The following CPLANE1 variants were observed in gnomAD, a reference collection of about 807,000 sequenced individuals.
CPLANE1 encodes ciliogenesis and planar polarity effector 1.
A neutral mutation model predicts 362.5 loss-of-function variants in CPLANE1; 263 were observed. The ratio of observed to expected loss-of-function variants is 0.73; its 90% confidence interval spans 0.66 to 0.80. CPLANE1 has a LOEUF of 0.80. Among genes scored for constraint, CPLANE1 ranks in the 30% least tolerant of loss-of-function variants. The pLI is 0.00. For missense variants in CPLANE1, 3,461 were observed against 3,793.4 expected (o/e 0.91, Z 2.30); for synonymous variants, 1,212 against 1,302.6 (o/e 0.93, Z 1.50).
intron 15 of CPLANE1, among the ~76,000 whole-genome samples, chr5:37,217,281 G>A (rs897903073): frequency 6.6e-6 from 1 of 152,190 alleles, no homozygotes; most frequent in Non-Finnish European, 1.5e-5. Context: ...GAATAAAGCT[G>A]TATCAATTTA....
rs377503881 is a variant in CPLANE1 at position 37,201,670 on chromosome 5, C to T, written c.3428G>A (p.Arg1143Lys). Reference sequence around the variant, plus strand: ...GCCGAATGGCACTAAGCCCCACAGTCTTTTACTGAAGTCCTTGGCAGAGTC... The same window carrying T: ...GCCGAATGGCACTAAGCCCCACAGTTTTTTACTGAAGTCCTTGGCAGAGTC... ...LIDSAKDFSK[R>K]LWGLVPFGLY... Residue 1143 changes from arginine (R) to lysine (K), a missense_variant, in exon 19 of 53, where the codon AGA becomes AAA. Transcript: ENST00000651892. 282 of 1,614,172 alleles carry T rather than the reference C, an allele frequency of 1.7e-4. 1 individual carries two copies. Among genetic ancestry groups the T allele is most frequent in the Middle Eastern group, 1.2e-3 (7 of 6,062 alleles).
Position 37,185,063 on chromosome 5 carries a change from T to G in CPLANE1, c.4206A>C (p.Glu1402Asp), listed in dbSNP as rs1783619890. The G allele has an allele frequency of 6.2e-7, 1 of 1,612,050 alleles. No individual in the cohort carries two copies. The highest frequency in any genetic ancestry group is 2.2e-5 in the East Asian group (1 of 44,882). Reference sequence around the variant, plus strand: ...TAGAATGCATGACAACAGACATCATTTCCTCAGTCTGGGGTCCTGGAAAGA... The same window carrying G: ...TAGAATGCATGACAACAGACATCATGTCCTCAGTCTGGGGTCCTGGAAAGA... ...HCVVKGPQTE[E>D]MMSVVMHSIQ... The change falls in exon 25 of 53, where the codon GAA becomes GAC. Residue 1402 changes from glutamate to aspartate, a missense_variant. Physicochemically the swap from Glu to Asp is conservative, Grantham distance 45 (BLOSUM62 2). Around this residue, in one of 2 missense-constraint regions of CPLANE1, gnomAD observed 3,380 missense variants for 3,666.1 expected, o/e 0.92. Coordinates refer to ENST00000651892, the MANE Select transcript of CPLANE1 (RefSeq NM_001384732.1).
chr5:37,106,088 C>A (rs1757587147), downstream of CPLANE1: 1 of 152,088 alleles, frequency 6.6e-6, no homozygotes, highest in Non-Finnish European at 1.5e-5. Flanking sequence ...TGCTCATACA[C>A]CCTTGGTGGG....
intron 4 of CPLANE1, 137 bp from the exon 5 acceptor site, chr5:37,244,744 C>CA: frequency 3.2e-6 from 2 of 627,146 alleles, no homozygotes; most frequent in Non-Finnish European, 5.5e-6. Context: ...AAGGCACTAG[C>CA]AAAAAATACA....
intron 50 of CPLANE1, among the ~76,000 whole-genome samples, chr5:37,118,445 G>T (rs1406189140): frequency 2.0e-5 from 3 of 151,672 alleles, no homozygotes; most frequent in Non-Finnish European, 2.9e-5. Context: ...ACCACGAAGG[G>T]TTTCATCTAA....
intron 51 of CPLANE1, among the ~76,000 whole-genome samples, chr5:37,113,765 T>C: frequency 6.6e-6 from 1 of 152,198 alleles, no homozygotes; most frequent in Non-Finnish European, 1.5e-5. Context: ...GGCTAATTAC[T>C]TCATATTTCT....
In CPLANE1 at chr5:37,214,293, C is replaced by G. The variant is rs558774334; in HGVS notation, c.2747-561G>C. Among the ~76,000 whole-genome samples the G allele has an allele frequency of 7.9e-5, 12 of 152,080 alleles. No homozygotes were observed. In the East Asian group the frequency reaches 2.3e-3, roughly 29 times the overall value. On this transcript the variant is annotated intron_variant, in intron 15 of 52. Transcript: ENST00000651892. ...CAGCCTGGGCAACATGGTGAAATCC[C>G]ACCTCTACAGAAAAATACAATAAAA...
chr5:37,161,234 C>T (rs1305830168), intron 38 of CPLANE1, among the ~76,000 whole-genome samples: 4 of 152,132 alleles, frequency 2.6e-5, no homozygotes, highest in African/African-American at 9.7e-5. Flanking sequence ...CCTTGTAATG[C>T]AAATCTAATC....
chr5:37,182,904 G>C lies in CPLANE1; in HGVS notation c.5277C>G (p.Leu1759=), dbSNP rs1783068406. The part of the protein sequence containing the change: ...WMIRWSNRRL[L]CDSGITESSS... ...ATGACTCAGTTATACCAGAATCACA[G>C]AGTAGCCTTCTATTAGACCACCTTA... Residue 1759 remains leucine (L), a synonymous_variant, in exon 26 of 53, where the codon CTC becomes CTG. Coordinates refer to ENST00000651892, the MANE Select transcript of CPLANE1 (RefSeq NM_001384732.1). 1 of 1,607,058 alleles carries C rather than the reference G, an allele frequency of 6.2e-7. No individual in the cohort carries two copies. The highest frequency in any genetic ancestry group is 2.2e-5 in the East Asian group (1 of 44,804).
intron 26 of CPLANE1, among the ~76,000 whole-genome samples, chr5:37,182,398 A>G (rs554873080): frequency 6.6e-6 from 1 of 152,350 alleles, no homozygotes; most frequent in East Asian, 1.9e-4. Context: ...TTGATGAGAC[A>G]TCAGTAATTA....
chr5:37,145,170 T>G (rs1230482162), intron 43 of CPLANE1, among the ~76,000 whole-genome samples: 3 of 152,062 alleles, frequency 2.0e-5, no homozygotes, highest in Non-Finnish European at 4.4e-5. Context: ...CTGGGTGTGG[T>G]GGTGTGCACC....
chr5:37,196,958 G>GAA (rs1787699357), intron 20 of CPLANE1, among the ~76,000 whole-genome samples: 1 of 151,484 alleles, frequency 6.6e-6, no homozygotes, highest in African/African-American at 2.4e-5. Flanking sequence ...AAGAAAATTT[G>GAA]AACTCCAATC....
At chr5:37,158,710 A>G (rs926328064) in intron 38 of CPLANE1, among the ~76,000 whole-genome samples, 1 of 151,922 alleles carries the variant, frequency 6.6e-6, no homozygotes, top group Admixed American at 6.5e-5. Context: ...AGATTAACCT[A>G]TAACTAATTT....
chr5:37,125,518 AAGT>A, intron 46 of CPLANE1, 109 bp from the exon 47 acceptor site: 1 of 1,006,916 alleles, frequency 9.9e-7, no homozygotes, highest in Non-Finnish European at 1.5e-6. Flanking sequence ...CCATCTTCAA[AAGT>A]AGTATATACT....
At chr5:37,192,558 T>C (rs766590828) in intron 21 of CPLANE1, among the ~76,000 whole-genome samples, 6 of 152,136 alleles carry the variant, frequency 3.9e-5, no homozygotes, top group African/African-American at 1.4e-4. Flanking sequence ...ATAATAGAAT[T>C]ATGGTTTTAA....
chr5:37,077,133 T>G, the CPLANE1 span, among the ~76,000 whole-genome samples: 1 of 152,132 alleles, frequency 6.6e-6, no homozygotes, highest in Non-Finnish European at 1.5e-5. Context: ...GCGAATCAGA[T>G]GAGAAGTTGG....
At chr5:37,132,897 T>C (rs1361421037) in intron 46 of CPLANE1, among the ~76,000 whole-genome samples, 1 of 152,360 alleles carries the variant, frequency 6.6e-6, no homozygotes, top group African/African-American at 2.4e-5. Context: ...AGGATTCTTA[T>C]GGTTTGAGGT....
intron 32 of CPLANE1, 68 bp from the exon 33 acceptor site, chr5:37,170,399 A>C: frequency 7.2e-7 from 1 of 1,396,548 alleles, no homozygotes; most frequent in Non-Finnish European, 9.9e-7. Flanking sequence ...AATAACAATA[A>C]TCATCTGAGT....
chr5:37,139,827 G>C (rs1769114206), intron 44 of CPLANE1: 1 of 985,002 alleles, frequency 1.0e-6, no homozygotes, highest in Non-Finnish European at 1.2e-6. Flanking sequence ...TTGGATTACA[G>C]GCATGGGCCA....
Sources: gnomAD v4.1 joint callset for allele counts (sites outside exome capture counted in the v4.1 genomes callset) on GRCh38, gnomAD v4.1.1 for gene constraint, gnomAD v4.1.1 regional missense constraint, MANE v1.5 for transcripts, NCBI Gene and HGNC (gene_info 2026-07-23, HGNC 2026-07-21) for gene names.